Variants in GOLGA3 observed in about 807,000 individuals in gnomAD.
GOLGA3 encodes the protein golgin subfamily A member 3.
GOLGA3 carries 75 observed loss-of-function variants against 169.4 expected under a neutral mutation model. The observed-to-expected ratio is 0.44, with a 90% CI of 0.37 to 0.54. The LOEUF (loss-of-function observed/expected upper bound fraction) is 0.54, where lower values mean the gene tolerates loss of function less well. Ranked by LOEUF, GOLGA3 falls within the 20% of genes least tolerant of loss-of-function variation. GOLGA3 has a pLI of 0.00. For synonymous variants in GOLGA3, 824 were observed against 822.4 expected, an observed-to-expected ratio of 1.00 and a Z score of -0.03; for missense variants, 1,899 against 1,930.0, an observed-to-expected ratio of 0.98 and a Z score of 0.30.
In GOLGA3 at chr12:132,775,366, C is replaced by T. The variant is rs1051230257; in HGVS notation, c.3979-61G>A. The T allele has an allele frequency of 1.4e-5, 20 of 1,449,186 alleles. No homozygotes were observed. In the South Asian group the frequency reaches 2.0e-4, roughly 15 times the overall value. The allele number at this position is 1,449,186 out of a possible 1,614,324, so 89.8% of individuals were successfully genotyped here. ...AGATCTTAAACATCCTGCCAAGATC[C>T]GAGTTTGTATTTTCATAGGTTAAGC... On this transcript the variant is annotated intron_variant, in intron 21 of 23. Transcript: ENST00000450791.
Position 132,786,471 on chromosome 12 carries a change from C to T in GOLGA3, c.2991G>A (p.Lys997=). ...GGATGCCCACGGCGTTCTCGTAGGCCTTATGTTTGGTCTTCATCTCCTTCT... is the reference window on the plus strand; with the variant it reads ...GGATGCCCACGGCGTTCTCGTAGGCTTTATGTTTGGTCTTCATCTCCTTCT... The part of the protein sequence containing the change: ...SAQKEMKTKH[K]AYENAVGILS... The change falls in exon 15 of 24, where the codon AAG becomes AAA. Residue 997 remains lysine (K), a synonymous_variant. Transcript: ENST00000450791. 1 of 1,613,776 alleles carries T rather than the reference C, an allele frequency of 6.2e-7. No homozygotes were observed. Among genetic ancestry groups the T allele is most frequent in the Non-Finnish European group, 8.5e-7 (1 of 1,179,978 alleles).
rs1044453629 is a variant in GOLGA3 at position 132,771,376 on chromosome 12, G to A, written c.*1729C>T. The A allele has an allele frequency of 2.0e-5, 3 of 152,224 alleles. No individual in the cohort carries two copies. The highest frequency in any genetic ancestry group is 2.9e-5 in the Non-Finnish European group (2 of 68,038). The allele number at this position is 152,224 out of a possible 1,614,324, so 9.4% of individuals were successfully genotyped here. ...AGTACATCTGCAGAGGAGGCCACGC[G>A]GACCCATTCTCTCTCTCCTAACTCA... On this transcript the variant is annotated 3_prime_UTR_variant, in exon 24 of 24. Transcript: ENST00000450791.
rs1214206492 is a variant in GOLGA3, at chr12:132,769,037, A to G, written c.*4068T>C. On this transcript the variant is annotated 3_prime_UTR_variant, in exon 24 of 24. Transcript: ENST00000450791. Reference sequence around the variant, plus strand: ...CAGACACGGTGACCCCTTTCCCAAGAACAGCCACAACTTGAGGACTCTCTT... The same window carrying G: ...CAGACACGGTGACCCCTTTCCCAAGGACAGCCACAACTTGAGGACTCTCTT... 2.0e-5 allele frequency: 3 copies of G among 152,672 alleles called. No individual in the cohort carries two copies. Among genetic ancestry groups the G allele is most frequent in the African/African-American group, 7.2e-5 (3 of 41,470 alleles). The allele number at this position is 152,672 out of a possible 1,614,324, so 9.5% of individuals were successfully genotyped here. A position where few individuals can be genotyped will look rare whatever the true frequency, so the allele number is the denominator to read the frequency against.
intron 7 of GOLGA3, among the ~76,000 whole-genome samples, chr12:132,802,672 C>A (rs1318014520): frequency 1.3e-5 from 2 of 152,040 alleles, no homozygotes; most frequent in Admixed American, 1.3e-4. Context: ...AAAATAGAAA[C>A]AGGATGAATT....
intron 15 of GOLGA3, 65 bp from the exon 16 acceptor site, chr12:132,784,372 G>C: frequency 7.1e-7 from 1 of 1,405,052 alleles, no homozygotes; most frequent in South Asian, 1.3e-5. Flanking sequence ...CACTTCCTGT[G>C]GTGCCGGCAG....
rs370334704 is a variant in GOLGA3, at chr12:132,789,241, A to G, written c.2597T>C (p.Ile866Thr). The part of the protein sequence containing the change: ...RRDATSKDQL[I>T]SELKATRKRL... ...CTTCCTGGTGGCTTTCAGCTCACTG[A>G]TGAGCTGGTCTTTGGAGGTGGCGTC... The change falls in exon 13 of 24, where the codon ATC (isoleucine) becomes ACC (threonine). Residue 866 changes from isoleucine to threonine, a missense_variant. Coordinates refer to ENST00000450791, the MANE Select transcript of GOLGA3 (RefSeq NM_001389683.1). 1.2e-6 allele frequency: 2 copies of G among 1,608,190 alleles called. No homozygotes were observed. The highest frequency in any genetic ancestry group is 1.7e-6 in the Non-Finnish European group (2 of 1,179,802).
chr12:132,787,015 G>A (rs1218379139), intron 13 of GOLGA3, among the ~76,000 whole-genome samples: 5 of 151,840 alleles, frequency 3.3e-5, no homozygotes, highest in Admixed American at 1.3e-4. Context: ...GTGCAGGGGC[G>A]TGATCTCAGC....
rs754076966 is a variant in GOLGA3 at position 132,807,168 on chromosome 12, G to T, written c.1290+9C>A. 3.6e-5 allele frequency: 56 copies of T among 1,558,996 alleles called. 1 individual carries two copies. In the South Asian group the frequency reaches 5.6e-4, roughly 16 times the overall value. On this transcript the variant is annotated intron_variant, in intron 6 of 23. Transcript: ENST00000450791. ...CCGCACGCTGAGATGTCAGTCGAAC[G>T]TCCGTTACCTGACTCGCCTCCAGTG...
intron 1 of GOLGA3, among the ~76,000 whole-genome samples, chr12:132,824,118 C>A (rs1429245959): frequency 2.0e-5 from 3 of 152,176 alleles, no homozygotes; most frequent in Non-Finnish European, 4.4e-5. Flanking sequence ...GAGAAGCCCA[C>A]GTGGCTGGTC....
chr12:132,821,820 G>C (rs77502219), intron 2 of GOLGA3, among the ~76,000 whole-genome samples, 176 bp downstream of exon 2: 2,630 of 116,708 alleles, frequency 0.023, 141 homozygotes, highest in Middle Eastern at 0.039. Flanking sequence ...CGCCACTGCA[G>C]TCCAGCCTGG....
Position 132,814,762 on chromosome 12 carries a change from T to C in GOLGA3, c.407-1343A>G, listed in dbSNP as rs141019387. 8.5e-5 allele frequency among the ~76,000 whole-genome samples: 13 copies of C among 152,378 alleles called. No homozygotes were observed. The East Asian group carries it at 2.5e-3, about 29-fold the overall frequency. ...CAGACAAGACTCCAATCCGAGGTCA[T>C]GCTCCGGGACAGGAGGGGAAAATTT... On this transcript the variant is annotated intron_variant, in intron 3 of 23. Transcript: ENST00000450791.
At chr12:132,825,829 C>T in intron 1 of GOLGA3, 1 of 1,072,614 alleles carries the variant, frequency 9.3e-7, no homozygotes, top group Non-Finnish European at 1.5e-6. Flanking sequence ...TTGGTCTGGG[C>T]TTCAAGACAC....
At chr12:132,773,411 C>T (rs966660888) in intron 23 of GOLGA3, 117 bp from the exon 24 acceptor site, 17 of 558,796 alleles carry the variant, frequency 3.0e-5, no homozygotes, top group African/African-American at 9.7e-5. Context: ...TTCGGGGATC[C>T]GCAAACCAAC....
At chr12:132,787,827 C>T (rs2046001211) in intron 13 of GOLGA3, among the ~76,000 whole-genome samples, 1 of 100,188 alleles carries the variant, frequency 1.0e-5, no homozygotes. Flanking sequence ...CGGGACCCCT[C>T]CCCGGAGACC....
In GOLGA3 at chr12:132,778,293, G is replaced by A. The variant is rs575509540; in HGVS notation, c.3583-488C>T. Among the ~76,000 whole-genome samples the A allele has an allele frequency of 2.7e-5, 4 of 148,672 alleles. No individual in the cohort carries two copies. The South Asian group carries it at 6.5e-4, about 24-fold the overall frequency. On this transcript the variant is annotated intron_variant, in intron 18 of 23. Coordinates refer to ENST00000450791, the MANE Select transcript of GOLGA3 (RefSeq NM_001389683.1). ...CCCGGTCCCAAAAATGAAATAAATA[G>A]GCCAGGCGTGGCGGCTCACGCCTGT... is the stretch of plus-strand genomic sequence containing the variant.
At chr12:132,796,491 G>C in intron 10 of GOLGA3, 48 bp downstream of exon 10, 1 of 1,569,442 alleles carries the variant, frequency 6.4e-7, no homozygotes, top group Non-Finnish European at 8.6e-7. Context: ...CTGGCTGCTC[G>C]GGATCACCTG....
At chr12:132,821,782 A>C (rs921456811) in intron 2 of GOLGA3, among the ~76,000 whole-genome samples, 4 of 134,778 alleles carry the variant, frequency 3.0e-5, no homozygotes, top group Non-Finnish European at 4.7e-5. Flanking sequence ...TGAACCCGGG[A>C]GGCGGAGCTT....
rs554986834 is a variant in GOLGA3, at chr12:132,803,529, G to A, written c.1597+1187C>T. 1.3e-3 allele frequency among the ~76,000 whole-genome samples: 201 copies of A among 152,322 alleles called. 1 individual carries two copies. Among genetic ancestry groups the A allele is most frequent in the Middle Eastern group, 6.8e-3 (2 of 294 alleles). On this transcript the variant is annotated intron_variant, in intron 7 of 23. Transcript: ENST00000450791. ...CCCCCGATCACTGGTCAAGTGAAGC[G>A]TGGCAACCCACAGGGCCCCAAACTA...
rs1434349655 is a variant in GOLGA3, at chr12:132,801,857, G to C, written c.1710C>G (p.Ser570=). The C allele has an allele frequency of 6.2e-7, 1 of 1,606,298 alleles. No individual in the cohort carries two copies. Among genetic ancestry groups the C allele is most frequent in the Non-Finnish European group, 8.5e-7 (1 of 1,179,948 alleles). ...KLKASQAEIS[S]LQSVRQWYQQ... The stretch of plus-strand genomic sequence containing the variant: ...GGTACCACTGCCGGACACTCTGCAG[G>C]GACGAGATCTCCGCCTGCGACGCCT... Residue 570 remains serine, a synonymous_variant, in exon 8 of 24, where the codon TCC becomes TCG. Coordinates refer to ENST00000450791, the MANE Select transcript of GOLGA3 (RefSeq NM_001389683.1).
Sources: gnomAD v4.1 joint callset for allele counts (sites outside exome capture counted in the v4.1 genomes callset) on GRCh38, gnomAD v4.1.1 for gene constraint, MANE v1.5 for transcripts, NCBI Gene and HGNC (gene_info 2026-07-23, HGNC 2026-07-21) for gene names.